MTSS1: variants seen among roughly 807,000 people sequenced by gnomAD.
MTSS1 encodes the protein MTSS I-BAR domain containing 1, also known as protein MTSS 1.
In MTSS1, 18 loss-of-function variants were observed where a neutral mutation model predicts 79.0. The observed-to-expected ratio is 0.23, with a 90% CI of 0.16 to 0.34. The LOEUF is 0.34. MTSS1 is among the 10% of genes least tolerant of loss of function. MTSS1 has a pLI of 1.00. For synonymous variants in MTSS1, 341 were observed against 368.6 expected (o/e 0.93, Z 0.86); for missense variants, 815 against 986.2 (o/e 0.83, Z 2.33).
rs73341867 is a variant in MTSS1, at chr8:124,609,872, C to T, written c.209-18637G>A. On this transcript the variant is annotated intron_variant, in intron 3 of 13. Coordinates refer to ENST00000518547, the MANE Select transcript of MTSS1 (RefSeq NM_014751.6). ...AGAGCAGGTACTCCTGACATTTTGG[C>T]AGCTGAGCTGACTCTGAGCTCCTGG... Among the ~76,000 whole-genome samples the T allele has an allele frequency of 8.6e-3, 1,317 of 152,298 alleles. 19 individuals carry two copies. The highest frequency in any genetic ancestry group is 0.03 in the African/African-American group (1,265 of 41,554).
Position 124,550,903 on chromosome 8 carries a change from A to C in MTSS1, c.*2089T>G, listed in dbSNP as rs903298438. ...GTTTAGAACAAAAAACTGCACAGGG[A>C]GAGGTCAACTCTCAGTACAAACTAG... On this transcript the variant is annotated 3_prime_UTR_variant, in exon 14 of 14. Coordinates refer to ENST00000518547, the MANE Select transcript of MTSS1 (RefSeq NM_014751.6). 1.3e-5 allele frequency: 2 copies of C among 152,662 alleles called. No homozygotes were observed. The highest frequency in any genetic ancestry group is 4.8e-5 in the African/African-American group (2 of 41,464). 9.5% of individuals were successfully genotyped at this position (152,662 alleles called of 1,614,324 possible). A position where few individuals can be genotyped will look rare whatever the true frequency, so the allele number is the denominator to read the frequency against.
intron 3 of MTSS1, among the ~76,000 whole-genome samples, chr8:124,591,947 A>AT (rs200461140): frequency 7.9e-6 from 1 of 126,992 alleles, no homozygotes. Flanking sequence ...CACCCAGCTG[A>AT]TTTTTTTATT....
chr8:124,620,596 C>G (rs1813302919), intron 3 of MTSS1, among the ~76,000 whole-genome samples: 2 of 152,062 alleles, frequency 1.3e-5, no homozygotes, highest in African/African-American at 4.8e-5. Context: ...CCTGAAATTC[C>G]CATCAAATGG....
At chr8:124,720,179 A>T (rs1832701039) in intron 1 of MTSS1, among the ~76,000 whole-genome samples, 2 of 152,252 alleles carry the variant, frequency 1.3e-5, no homozygotes, top group South Asian at 2.1e-4. Context: ...ACAGGACAGG[A>T]CAAACAACAA....
intron 1 of MTSS1, among the ~76,000 whole-genome samples, chr8:124,718,245 C>T (rs1478866551): frequency 7.1e-6 from 1 of 141,106 alleles, no homozygotes; most frequent in African/African-American, 2.6e-5. Flanking sequence ...GAAATGCTCT[C>T]AAAACATCTG....
At position 124,643,099 on chromosome 8, in the gene MTSS1, G is replaced by A. The variant is rs1713037726; in HGVS notation, c.209-51864C>T. ...TGAGTATCTTTGATCAATAAAATTT[G>A]GCAGAGAGAAAAAAATTGGTAACCC... On this transcript the variant is annotated intron_variant, in intron 3 of 13. Transcript: ENST00000518547. Among the ~76,000 whole-genome samples the A allele has an allele frequency of 2.0e-5, 3 of 152,050 alleles. No homozygotes were observed. The South Asian group carries it at 6.2e-4, about 32-fold the overall frequency.
intron 3 of MTSS1, among the ~76,000 whole-genome samples, chr8:124,673,667 C>A (rs1377994794): frequency 6.6e-6 from 1 of 152,174 alleles, no homozygotes; most frequent in Non-Finnish European, 1.5e-5. Flanking sequence ...AGAAGGAGAC[C>A]CAGATTCAAA....
chr8:124,725,867 T>A (rs1421532516), intron 1 of MTSS1, among the ~76,000 whole-genome samples: 5 of 152,296 alleles, frequency 3.3e-5, no homozygotes, highest in Non-Finnish European at 7.4e-5. Flanking sequence ...AAATCAGACA[T>A]TCCCTCTCTC....
intron 10 of MTSS1, among the ~76,000 whole-genome samples, chr8:124,559,589 C>T (rs1203905256): frequency 6.6e-6 from 1 of 152,166 alleles, no homozygotes; most frequent in African/African-American, 2.4e-5. Context: ...CAGGTCCCTG[C>T]TGGAGTCCTA....
intron 3 of MTSS1, among the ~76,000 whole-genome samples, chr8:124,670,509 C>T (rs1357771573): frequency 6.6e-6 from 1 of 151,914 alleles, no homozygotes; most frequent in Non-Finnish European, 1.5e-5. Context: ...TCTCGAAAAT[C>T]AATAAAAAGC....
intron 3 of MTSS1, among the ~76,000 whole-genome samples, chr8:124,670,901 G>A (rs1389942095): frequency 6.6e-6 from 1 of 152,152 alleles, no homozygotes; most frequent in East Asian, 1.9e-4. Flanking sequence ...GAGCCCAGGA[G>A]TGCCAAAAGG....
intron 3 of MTSS1, among the ~76,000 whole-genome samples, chr8:124,661,616 C>T (rs898233088): frequency 5.3e-5 from 8 of 152,238 alleles, no homozygotes; most frequent in South Asian, 4.1e-4. Flanking sequence ...GGGAGAGGCA[C>T]GAAGCAGAGC....
chr8:124,691,749 C>G (rs1426796802), intron 3 of MTSS1, among the ~76,000 whole-genome samples: 1 of 152,174 alleles, frequency 6.6e-6, no homozygotes, highest in Non-Finnish European at 1.5e-5. Context: ...CTGCTGACCT[C>G]AAGTGATCCA....
At chr8:124,615,307 G>A (rs982962011) in intron 3 of MTSS1, among the ~76,000 whole-genome samples, 1 of 151,812 alleles carries the variant, frequency 6.6e-6, no homozygotes, top group Admixed American at 6.6e-5. Context: ...AGTTAGGGAT[G>A]TGGCCACGAG....
chr8:124,669,903 G>T (rs981865354), intron 3 of MTSS1, among the ~76,000 whole-genome samples: 4 of 152,096 alleles, frequency 2.6e-5, no homozygotes, highest in African/African-American at 9.7e-5. Flanking sequence ...CTCTGCAGTA[G>T]GATGTGTCTG....
chr8:124,557,616 T>C, intron 11 of MTSS1, 65 bp downstream of exon 11: 1 of 1,427,860 alleles, frequency 7.0e-7, no homozygotes, highest in Non-Finnish European at 9.6e-7. Context: ...GTGAGGGGGT[T>C]GGAACAGAAG....
intron 3 of MTSS1, among the ~76,000 whole-genome samples, chr8:124,627,743 C>T (rs1039385148): frequency 6.6e-6 from 1 of 152,184 alleles, no homozygotes; most frequent in African/African-American, 2.4e-5. Flanking sequence ...GGGTGAAAGG[C>T]CTTAAAGGTC....
In MTSS1 at chr8:124,553,054, G is replaced by C; in HGVS notation, c.2206C>G (p.Arg736Gly). The C allele has an allele frequency of 2.5e-6, 4 of 1,614,086 alleles. No individual in the cohort carries two copies. Among genetic ancestry groups the C allele is most frequent in the Non-Finnish European group, 3.4e-6 (4 of 1,180,026 alleles). Reference sequence around the variant, plus strand: ...GTCTTCTTCAGTTTCACGCCCCTTCGGATGGCGTTCAGCATGTCTTCTCCT... The same window carrying C: ...GTCTTCTTCAGTTTCACGCCCCTTCCGATGGCGTTCAGCATGTCTTCTCCT... ...PQGEDMLNAI[R>G]RGVKLKKTTT... is the part of the protein sequence containing the mutation. The change falls in exon 14 of 14, where the codon CGA becomes GGA. Residue 736 changes from arginine to glycine, a missense_variant. Around this residue, in one of 2 missense-constraint regions of MTSS1, gnomAD observed 590 missense variants for 620.8 expected, o/e 0.95. Coordinates refer to ENST00000518547, the MANE Select transcript of MTSS1 (RefSeq NM_014751.6). The surrounding 1 kb of genome is among the most constrained non-coding windows in gnomAD (Gnocchi z 6.0).
chr8:124,644,270 T>G (rs1301467242), intron 3 of MTSS1, among the ~76,000 whole-genome samples: 1 of 152,230 alleles, frequency 6.6e-6, no homozygotes, highest in Admixed American at 6.5e-5. Flanking sequence ...TTGGCAACCT[T>G]ATCTCTGTCT....
Sources: allele counts gnomAD v4.1 joint callset (sites outside exome capture counted in the v4.1 genomes callset), GRCh38; gene constraint gnomAD v4.1.1; regional missense constraint gnomAD v4.1.1; non-coding constraint Gnocchi (gnomAD v3.1); transcripts MANE v1.5; gene names NCBI Gene and HGNC (gene_info 2026-07-23, HGNC 2026-07-21).